Variants in SLAMF1 observed in about 807,000 individuals in gnomAD.
SLAMF1 encodes signaling lymphocytic activation molecule family member 1, also known as signaling lymphocytic activation molecule.
A neutral mutation model predicts 35.1 loss-of-function variants in SLAMF1; 18 were observed. The observed-to-expected ratio is 0.51, with a 90% CI of 0.35 to 0.76. SLAMF1 has a LOEUF of 0.76. Among genes scored for constraint, SLAMF1 ranks in the 30% least tolerant of loss-of-function variants. The pLI is 0.01. For missense variants in SLAMF1, 392 were observed against 413.0 expected (o/e 0.95, Z 0.44); for synonymous variants, 168 against 157.2 (o/e 1.07, Z -0.51).
Position 160,610,007 on chromosome 1 carries a change from T to A in SLAMF1, c.*741A>T, listed in dbSNP as rs995925101. On this transcript the variant is annotated 3_prime_UTR_variant, in exon 7 of 7. Transcript: ENST00000302035. Reference sequence around the variant, plus strand: ...TGTAACAGCACCATCAAACATTTGCTACGTTTTTCTTTAAAACTGAATGCC... The same window carrying A: ...TGTAACAGCACCATCAAACATTTGCAACGTTTTTCTTTAAAACTGAATGCC... 5 of 199,866 alleles carry A rather than the reference T, an allele frequency of 2.5e-5. No homozygotes were observed. Among genetic ancestry groups the A allele is most frequent in the South Asian group, 7.3e-5 (1 of 13,730 alleles). The allele number at this position is 199,866 out of a possible 1,614,324, so 12.4% of individuals were successfully genotyped here. A position where few individuals can be genotyped will look rare whatever the true frequency, so the allele number is the denominator to read the frequency against.
rs1404729708 is a variant in SLAMF1, at chr1:160,642,151, T to G, written c.77-4622A>C. On this transcript the variant is annotated intron_variant, in intron 1 of 6. Coordinates refer to ENST00000302035, the MANE Select transcript of SLAMF1 (RefSeq NM_003037.5). The surrounding 1 kb of genome is among the most constrained non-coding windows in gnomAD (Gnocchi z 4.2). The stretch of plus-strand genomic sequence containing the variant: ...GACCCCACAGTTCTTTTGGTAAATT[T>G]AGGCTCAGAAAGAAAAGACATCTTG... Among the ~76,000 whole-genome samples the G allele has an allele frequency of 2.0e-5, 3 of 152,200 alleles. No individual in the cohort carries two copies. The highest frequency in any genetic ancestry group is 7.2e-5 in the African/African-American group (3 of 41,448).
intron 1 of SLAMF1, among the ~76,000 whole-genome samples, chr1:160,640,602 T>C (rs1660697114): frequency 6.6e-6 from 1 of 151,940 alleles, no homozygotes; most frequent in Non-Finnish European, 1.5e-5. Flanking sequence ...TAAGATGAGC[T>C]ATTGGAAAAT....
chr1:160,626,344 G>A (rs1271294657), intron 3 of SLAMF1, among the ~76,000 whole-genome samples: 2 of 152,162 alleles, frequency 1.3e-5, no homozygotes, highest in Non-Finnish European at 2.9e-5. Context: ...CAAGGCTTCA[G>A]GACATGACAA....
chr1:160,645,888 G>C (rs1394000488), intron 1 of SLAMF1, among the ~76,000 whole-genome samples: 1 of 151,942 alleles, frequency 6.6e-6, no homozygotes, highest in South Asian at 2.1e-4. Flanking sequence ...TTGGATTTGC[G>C]GTCTTGAAAA....
chr1:160,637,497 G>A lies in SLAMF1; in HGVS notation c.109C>T (p.Arg37Trp), dbSNP rs372403738. Residue 37 changes from arginine (R) to tryptophan (W), a missense_variant, in exon 2 of 7, where the codon CGG becomes TGG. Transcript: ENST00000302035. Reference protein sequence around the residue: ...GRMMNCPKILRQLGSKVLLPL... With the variant: ...GRMMNCPKILWQLGSKVLLPL... ...AGCAGCACTTTGCTTCCCAACTGCC[G>A]GAGAATCTTTGGGCAGTTCATCATG... 28 of 1,612,122 alleles carry A rather than the reference G, an allele frequency of 1.7e-5. No individual in the cohort carries two copies. Among genetic ancestry groups the A allele is most frequent in the Admixed American group, 1.2e-4 (7 of 59,976 alleles).
chr1:160,644,821 G>C (rs1406714556), intron 1 of SLAMF1, among the ~76,000 whole-genome samples: 3 of 152,168 alleles, frequency 2.0e-5, no homozygotes, highest in African/African-American at 7.2e-5. Context: ...GAACACGCAA[G>C]GTTAGGCCAA....
At chr1:160,625,815 C>T (rs557737930) in intron 3 of SLAMF1, among the ~76,000 whole-genome samples, 55 of 147,816 alleles carry the variant, frequency 3.7e-4, no homozygotes, top group African/African-American at 1.2e-3. Context: ...TGAGAACCCT[C>T]TGTGCAGGAG....
intron 5 of SLAMF1, chr1:160,615,611 C>G (rs567221580): frequency 2.5e-5 from 4 of 160,724 alleles, no homozygotes; most frequent in Non-Finnish European, 4.1e-5. Context: ...AGGAAATGCA[C>G]CCTGTGGTGG....
chr1:160,610,574 T>A lies in SLAMF1; in HGVS notation c.*174A>T. ...AAGCTAAATTCTTGGGAAGCCTCACTTCCTTGTTCATTTCACAGATGTATG... is the reference window on the plus strand; with the variant it reads ...AAGCTAAATTCTTGGGAAGCCTCACATCCTTGTTCATTTCACAGATGTATG... On this transcript the variant is annotated 3_prime_UTR_variant, in exon 7 of 7. Coordinates refer to ENST00000302035, the MANE Select transcript of SLAMF1 (RefSeq NM_003037.5). 1.6e-6 allele frequency: 1 copy of A among 620,496 alleles called. No individual in the cohort carries two copies. Among genetic ancestry groups the A allele is most frequent in the Non-Finnish European group, 2.9e-6 (1 of 341,094 alleles). The allele number at this position is 620,496 out of a possible 1,614,324, so 38.4% of individuals were successfully genotyped here.
At chr1:160,624,873 GACAA>G (rs1434215896) in intron 3 of SLAMF1, among the ~76,000 whole-genome samples, 1 of 152,094 alleles carries the variant, frequency 6.6e-6, no homozygotes, top group Non-Finnish European at 1.5e-5. Context: ...GCAACACTTT[GACAA>G]ACAGTGAATG....
intron 3 of SLAMF1, among the ~76,000 whole-genome samples, chr1:160,633,357 A>G (rs138086625): frequency 6.6e-6 from 1 of 152,176 alleles, no homozygotes; most frequent in Non-Finnish European, 1.5e-5. Context: ...AGACTCATTC[A>G]AGAACTTCCA....
rs572992822 is a variant in SLAMF1 at position 160,619,951 on chromosome 1, A to G, written c.791-102T>C. ...GTCCTTTGCATACCCACTTTCCCCA[A>G]GGGCACAATGGAAACAAAGCCCTGA... is the stretch of plus-strand genomic sequence containing the variant. On this transcript the variant is annotated intron_variant, in intron 4 of 6. Transcript: ENST00000302035. The G allele has an allele frequency of 2.9e-4, 225 of 786,022 alleles. 1 individual carries two copies. Among genetic ancestry groups the G allele is most frequent in the South Asian group, 2.6e-4 (18 of 68,938 alleles). 48.7% of individuals were successfully genotyped at this position (786,022 alleles called of 1,614,324 possible). A position where few individuals can be genotyped will look rare whatever the true frequency, so the allele number is the denominator to read the frequency against.
intron 6 of SLAMF1, 44 bp from the exon 7 acceptor site, chr1:160,610,842 C>A: frequency 7.2e-7 from 1 of 1,395,000 alleles, no homozygotes; most frequent in South Asian, 1.2e-5. Context: ...ACTGGATACT[C>A]ACTTCACAGA....
chr1:160,634,979 A>G (rs1660360404), intron 2 of SLAMF1, 82 bp from the exon 3 acceptor site: 5 of 1,260,898 alleles, frequency 4.0e-6, no homozygotes, highest in Non-Finnish European at 5.6e-6. Flanking sequence ...AGAACAAAGT[A>G]CAGCCTAATG....
At chr1:160,625,970 T>C (rs1455134886) in intron 3 of SLAMF1, among the ~76,000 whole-genome samples, 1 of 152,168 alleles carries the variant, frequency 6.6e-6, no homozygotes, top group Non-Finnish European at 1.5e-5. Context: ...GCCAGTAGCC[T>C]GAACTTTGTG....
chr1:160,608,677 G>T lies in SLAMF1; in HGVS notation c.*2071C>A, dbSNP rs181831370. 5 of 152,292 alleles carry T rather than the reference G, an allele frequency of 3.3e-5. No individual in the cohort carries two copies. Among genetic ancestry groups the T allele is most frequent in the African/African-American group, 1.2e-4 (5 of 41,556 alleles). 9.4% of individuals were successfully genotyped at this position (152,292 alleles called of 1,614,324 possible). A position where few individuals can be genotyped will look rare whatever the true frequency, so the allele number is the denominator to read the frequency against. On this transcript the variant is annotated 3_prime_UTR_variant, in exon 7 of 7. Transcript: ENST00000302035. ...TCCTTCAGGTAGAATTCAGCTACTG[G>T]AAAAATCCAAGTGCTGGGAACTGAG...
chr1:160,644,063 T>C (rs1333874177), intron 1 of SLAMF1, among the ~76,000 whole-genome samples: 2 of 152,246 alleles, frequency 1.3e-5, no homozygotes, highest in South Asian at 2.1e-4. Context: ...AAAGTTTTCA[T>C]TTTCCAAATT....
At position 160,622,786 on chromosome 1, in the gene SLAMF1, C is replaced by T. The variant is rs1659688614; in HGVS notation, c.790+1310G>A. ...TAAGTTTGTCTAATGCCTATACCCACATTCTTTATCAGTGTATTCTCCTGG... is the reference window on the plus strand; with the variant it reads ...TAAGTTTGTCTAATGCCTATACCCATATTCTTTATCAGTGTATTCTCCTGG... On this transcript the variant is annotated intron_variant, in intron 4 of 6. Coordinates refer to ENST00000302035, the MANE Select transcript of SLAMF1 (RefSeq NM_003037.5). Among the ~76,000 whole-genome samples the T allele has an allele frequency of 2.6e-5, 4 of 152,214 alleles. No individual in the cohort carries two copies. In the South Asian group the frequency reaches 8.3e-4, roughly 31 times the overall value.
rs904382984 is a variant in SLAMF1 at position 160,611,062 on chromosome 1, T to C, written c.958-264A>G. 3.3e-5 allele frequency among the ~76,000 whole-genome samples: 5 copies of C among 152,324 alleles called. No individual in the cohort carries two copies. The South Asian group carries it at 1.0e-3, about 32-fold the overall frequency. ...GAGGACCAGCACTCAGTGCCCTGTC[T>C]CCCTCTTTGCCCTCTCCCCTTCCAT... On this transcript the variant is annotated intron_variant, in intron 6 of 6. Coordinates refer to ENST00000302035, the MANE Select transcript of SLAMF1 (RefSeq NM_003037.5).
Sources: gnomAD v4.1 joint callset for allele counts (sites outside exome capture counted in the v4.1 genomes callset) on GRCh38, gnomAD v4.1.1 for gene constraint, Gnocchi (gnomAD v3.1) non-coding constraint, MANE v1.5 for transcripts, NCBI Gene and HGNC (gene_info 2026-07-23, HGNC 2026-07-21) for gene names.